The following THUMPD1 variants were observed in gnomAD, a reference collection of about 807,000 sequenced individuals.
THUMPD1 encodes THUMP domain-containing protein 1.
In THUMPD1, 31 loss-of-function variants were observed where a neutral mutation model predicts 31.6. The ratio of observed to expected loss-of-function variants is 0.98; its 90% CI spans 0.74 to 1.32. The LOEUF is 1.32. Among genes scored for constraint, THUMPD1 ranks in the 40% most tolerant of loss-of-function variants. The pLI is 0.00. For missense variants in THUMPD1, 446 were observed against 427.8 expected (o/e 1.04, Z -0.38); for synonymous variants, 166 against 158.2 (o/e 1.05, Z -0.37).
rs373957698 is a variant in THUMPD1 at position 20,737,444 on chromosome 16, C to G, written c.656-158G>C. 9.1e-4 allele frequency among the ~76,000 whole-genome samples: 138 copies of G among 152,258 alleles called. 4 individuals are homozygous for G. The South Asian group carries it at 0.028, about 31-fold the overall frequency. The stretch of plus-strand genomic sequence containing the variant: ...AATCTGAACCCTTACAATAAATAAA[C>G]ACAAATGAAACCCTACAACATTTAA... On this transcript the variant is annotated intron_variant, in intron 3 of 3. Coordinates refer to ENST00000396083, the MANE Select transcript of THUMPD1 (RefSeq NM_017736.5).
intron 1 of THUMPD1, 121 bp from the exon 2 acceptor site, chr16:20,739,192 T>C: frequency 1.1e-6 from 1 of 937,966 alleles, no homozygotes; most frequent in Non-Finnish European, 1.5e-6. Flanking sequence ...TTTTTTTTTC[T>C]AAAGATGGAG....
rs2079846993 is a variant in THUMPD1, at chr16:20,733,910, AG to A, written c.*2969del. ...TTTTTAACTGACGTAATTTTTTAAA[AG>A]AAAAAACAAAAGGGGAATAAAAAGC... On this transcript the variant is annotated 3_prime_UTR_variant, in exon 4 of 4. Transcript: ENST00000396083. 1 of 152,150 alleles carries A rather than the reference AG, an allele frequency of 6.6e-6. No individual in the cohort carries two copies. The highest frequency in any genetic ancestry group is 1.5e-5 in the Non-Finnish European group (1 of 68,004). The allele number at this position is 152,150 out of a possible 1,614,324, so 9.4% of individuals were successfully genotyped here.
At chr16:20,741,030 A>G (rs2079914517) in intron 1 of THUMPD1, among the ~76,000 whole-genome samples, 1 of 152,116 alleles carries the variant, frequency 6.6e-6, no homozygotes, top group Non-Finnish European at 1.5e-5. Context: ...CTTGAGAGGC[A>G]GAGACGGGAG....
At chr16:20,737,519 T>C (rs892825758) in intron 3 of THUMPD1, among the ~76,000 whole-genome samples, 189 bp downstream of exon 3, 1 of 152,236 alleles carries the variant, frequency 6.6e-6, no homozygotes, top group African/African-American at 2.4e-5. Flanking sequence ...AAAAGACTTT[T>C]ATCTAACTAC....
In THUMPD1 at chr16:20,736,694, C is replaced by T. The variant is rs2079872628; in HGVS notation, c.*186G>A. 1.6e-6 allele frequency: 1 copy of T among 629,476 alleles called. No homozygotes were observed. The highest frequency in any genetic ancestry group is 1.8e-5 in the African/African-American group (1 of 54,564). The allele number at this position is 629,476 out of a possible 1,614,324, so 39.0% of individuals were successfully genotyped here. ...ACATGGGTCTGCCTCTACGTAATAC[C>T]ATAAAGGCTGAAAGATCCCTAAAAA... On this transcript the variant is annotated 3_prime_UTR_variant, in exon 4 of 4. Transcript: ENST00000396083.
rs191047982 is a variant in THUMPD1, at chr16:20,736,308, T to C, written c.*572A>G. ...TCTGTAGTTCTATGCCTAAAATGGT[T>C]CTCGTCTCTCTCACATCTTGCCTTC... On this transcript the variant is annotated 3_prime_UTR_variant, in exon 4 of 4. Coordinates refer to ENST00000396083, the MANE Select transcript of THUMPD1 (RefSeq NM_017736.5). 1.3e-5 allele frequency: 2 copies of C among 151,824 alleles called. No homozygotes were observed. The highest frequency in any genetic ancestry group is 3.9e-4 in the East Asian group (2 of 5,168). The allele number at this position is 151,824 out of a possible 1,614,324, so 9.4% of individuals were successfully genotyped here.
At chr16:20,737,617 T>C (rs2079881664) in intron 3 of THUMPD1, 91 bp downstream of exon 3, 1 of 1,317,698 alleles carries the variant, frequency 7.6e-7, no homozygotes, top group East Asian at 2.4e-5. Flanking sequence ...CACTCAAAAA[T>C]GTAAGCCTTA....
chr16:20,741,409 AC>A (rs2152422841), intron 1 of THUMPD1, 99 bp downstream of exon 1: 1 of 1,398,658 alleles, frequency 7.1e-7, no homozygotes. Flanking sequence ...CACGCCGACG[AC>A]CCGAGGCGCG....
chr16:20,741,370 C>G (rs2079919146), intron 1 of THUMPD1, 139 bp downstream of exon 1: 1 of 1,101,094 alleles, frequency 9.1e-7, no homozygotes, highest in Non-Finnish European at 1.3e-6. Flanking sequence ...GGGACGGAAA[C>G]GCCGGCGAGG....
chr16:20,741,479 C>G, intron 1 of THUMPD1, 30 bp downstream of exon 1: 8 of 1,329,506 alleles, frequency 6.0e-6, no homozygotes, highest in East Asian at 3.1e-5. Context: ...GCCTGGCAGC[C>G]GGCCCGCCCG....
In THUMPD1 at chr16:20,736,419, A is replaced by G. The variant is rs1176506731; in HGVS notation, c.*461T>C. ...AAACAGACATAAACAAGAAAATCAC[A>G]AAAGTACAAAAACTTCACTAAACAA... On this transcript the variant is annotated 3_prime_UTR_variant, in exon 4 of 4. Transcript: ENST00000396083. 6.5e-6 allele frequency: 1 copy of G among 153,598 alleles called. No individual in the cohort carries two copies. Among genetic ancestry groups the G allele is most frequent in the Non-Finnish European group, 1.4e-5 (1 of 69,178 alleles). 9.5% of individuals were successfully genotyped at this position (153,598 alleles called of 1,614,324 possible).
chr16:20,740,260 G>A (rs2079905409), intron 1 of THUMPD1, among the ~76,000 whole-genome samples: 1 of 152,198 alleles, frequency 6.6e-6, no homozygotes. Flanking sequence ...GTCGGGCATG[G>A]TGGCACATGC....
In THUMPD1 at chr16:20,741,710, C is replaced by T; in HGVS notation, c.30G>A (p.Gln10=). MAAPAQQTT[Q]PGGGKRKGKA... The stretch of plus-strand genomic sequence containing the variant: ...TGCCTTTGCGCTTCCCGCCGCCAGG[C>T]TGAGTAGTCTGCTGGGCAGGGGCCG... The change falls in exon 1 of 4, where the codon CAG becomes CAA. Residue 10 remains glutamine (Q), a synonymous_variant. Coordinates refer to ENST00000396083, the MANE Select transcript of THUMPD1 (RefSeq NM_017736.5). The T allele has an allele frequency of 6.3e-7, 1 of 1,577,066 alleles. No individual in the cohort carries two copies. Among genetic ancestry groups the T allele is most frequent in the Non-Finnish European group, 8.6e-7 (1 of 1,161,200 alleles).
Position 20,736,702 on chromosome 16 carries a change from C to A in THUMPD1, c.*178G>T, listed in dbSNP as rs1182049519. ...CTGCCTCTACGTAATACCATAAAGG[C>A]TGAAAGATCCCTAAAAAAACTGTTA... On this transcript the variant is annotated 3_prime_UTR_variant, in exon 4 of 4. Coordinates refer to ENST00000396083, the MANE Select transcript of THUMPD1 (RefSeq NM_017736.5). 4.6e-6 allele frequency: 3 copies of A among 647,370 alleles called. No individual in the cohort carries two copies. Among genetic ancestry groups the A allele is most frequent in the African/African-American group, 1.8e-5 (1 of 54,734 alleles). The allele number at this position is 647,370 out of a possible 1,614,324, so 40.1% of individuals were successfully genotyped here.
chr16:20,736,883 T>C lies in THUMPD1; in HGVS notation c.1059A>G (p.Ser353=), dbSNP rs1238927176. ...EGSKSNENDF[S] ...ACCTCCAACACCAAATGACTTCCTA[T>C]GAGAAGTCATTTTCATTTGACTTGG... Residue 353 remains serine (S), a synonymous_variant, in exon 4 of 4, where the codon TCA becomes TCG. Transcript: ENST00000396083. The C allele has an allele frequency of 4.3e-6, 7 of 1,612,162 alleles. No homozygotes were observed. Among genetic ancestry groups the C allele is most frequent in the African/African-American group, 4.0e-5 (3 of 74,848 alleles).
intron 1 of THUMPD1, among the ~76,000 whole-genome samples, chr16:20,739,481 T>C (rs187494683): frequency 6.6e-6 from 1 of 152,142 alleles, no homozygotes; most frequent in East Asian, 1.9e-4. Flanking sequence ...GACTCAGTAT[T>C]GATAATAAAG....
chr16:20,736,878 TC>T lies in THUMPD1; in HGVS notation c.*1del. On this transcript the variant is annotated 3_prime_UTR_variant, in exon 4 of 4. Coordinates refer to ENST00000396083, the MANE Select transcript of THUMPD1 (RefSeq NM_017736.5). ...AACCCACCTCCAACACCAAATGACT[TC>T]CTATGAGAAGTCATTTTCATTTGAC... 1 of 1,612,938 alleles carries T rather than the reference TC, an allele frequency of 6.2e-7. No homozygotes were observed. Among genetic ancestry groups the T allele is most frequent in the Non-Finnish European group, 8.5e-7 (1 of 1,179,210 alleles).
chr16:20,737,936 G>T lies in THUMPD1; in HGVS notation c.427C>A (p.His143Asn). Residue 143 changes from histidine to asparagine, a missense_variant, in exon 3 of 4, where the codon CAT becomes AAT. Transcript: ENST00000396083. ...LGIEPEKLVH[H>N]ILQDMYKTKK... The stretch of plus-strand genomic sequence containing the variant: ...GTTTTGTACATATCCTGGAGAATAT[G>T]ATGCACCAATTTCTCAGGCTCTTAA... The T allele has an allele frequency of 6.3e-7, 1 of 1,596,198 alleles. No homozygotes were observed. The highest frequency in any genetic ancestry group is 1.2e-5 in the South Asian group (1 of 86,098).
chr16:20,741,603 A>T lies in THUMPD1; in HGVS notation c.137T>A (p.Ile46Asn). Residue 46 changes from isoleucine (I) to asparagine (N), a missense_variant, in exon 1 of 4, where the codon ATC becomes AAC. By Grantham distance (149) the Ile-to-Asn change is moderately radical. Transcript: ENST00000396083. ...PRQLEPGLQG[I>N]LITCNMNERK... is the part of the protein sequence containing the mutation. ...CTCGTTCATATTGCAGGTGATGAGG[A>T]TGCCCTGTAGCCCGGGCTCTAGCTG... The T allele has an allele frequency of 6.4e-7, 1 of 1,573,892 alleles. No individual in the cohort carries two copies. Among genetic ancestry groups the T allele is most frequent in the Non-Finnish European group, 8.6e-7 (1 of 1,160,060 alleles).
Sources: allele counts gnomAD v4.1 joint callset (sites outside exome capture counted in the v4.1 genomes callset), GRCh38; gene constraint gnomAD v4.1.1; transcripts MANE v1.5; gene names NCBI Gene and HGNC (gene_info 2026-07-23, HGNC 2026-07-21).